FAM178B: variants seen among roughly 807,000 people sequenced by gnomAD.
The protein encoded by FAM178B is protein FAM178B.
FAM178B carries 82 observed loss-of-function variants against 91.7 expected under a neutral mutation model. The observed-to-expected ratio is 0.89, with a 90% CI of 0.75 to 1.07. FAM178B has a LOEUF of 1.07. Among genes scored for constraint, FAM178B ranks in the 50% least tolerant of loss-of-function variants. The pLI is 0.00. For missense variants in FAM178B, 769 were observed against 846.7 expected, an observed-to-expected ratio of 0.91 and a Z score of 1.14; for synonymous variants, 368 against 359.4, an observed-to-expected ratio of 1.02 and a Z score of -0.27.
intron 6 of FAM178B, among the ~76,000 whole-genome samples, chr2:96,957,475 A>G (rs1222767806): frequency 6.6e-6 from 1 of 152,126 alleles, no homozygotes; most frequent in African/African-American, 2.4e-5. Context: ...CCTCATTAGC[A>G]TATCTGAGGG....
intron 14 of FAM178B, among the ~76,000 whole-genome samples, chr2:96,882,203 CCT>C (rs1204159735): frequency 1.3e-5 from 2 of 152,238 alleles, no homozygotes; most frequent in East Asian, 1.9e-4. Context: ...CCACCAGACC[CCT>C]CTCTCTGTGT....
At chr2:96,904,539 C>CTTTTTTTTTTTT (rs1559062927) in intron 12 of FAM178B, among the ~76,000 whole-genome samples, 1 of 133,098 alleles carries the variant, frequency 7.5e-6, no homozygotes. Context: ...CCATGCCTGG[C>CTTTTTTTTTTTT]TATTTTTTTT....
At chr2:96,916,673 G>A (rs749557675) in intron 12 of FAM178B, among the ~76,000 whole-genome samples, 1 of 152,184 alleles carries the variant, frequency 6.6e-6, no homozygotes, top group Non-Finnish European at 1.5e-5. Context: ...CTCTGTTTCA[G>A]GTGGTCTGCC....
chr2:96,972,261 G>A lies in FAM178B; in HGVS notation c.204C>T (p.Asp68=), dbSNP rs2082232433. The A allele has an allele frequency of 2.7e-6, 4 of 1,501,178 alleles. No individual in the cohort carries two copies. In the East Asian group the frequency reaches 9.8e-5, roughly 37 times the overall value. 93.0% of individuals were successfully genotyped at this position (1,501,178 alleles called of 1,614,324 possible). A position where few individuals can be genotyped will look rare whatever the true frequency, so the allele number is the denominator to read the frequency against. The change falls in exon 3 of 17, where the codon GAC becomes GAT. Residue 68 remains aspartate (D), a synonymous_variant. Coordinates refer to ENST00000490605, the MANE Select transcript of FAM178B (RefSeq NM_001122646.3). The part of the protein sequence containing the change: ...LLYNLEDGLS[D]HPLDQGPRCP... Reference sequence around the variant, plus strand: ...AGCGGGGCCCCTGGTCCAGGGGATGGTCTGACAAGCCATCCTCCAGGTTGT... The same window carrying A: ...AGCGGGGCCCCTGGTCCAGGGGATGATCTGACAAGCCATCCTCCAGGTTGT...
rs1574254718 is a variant in FAM178B at position 96,923,502 on chromosome 2, G to A, written c.1275C>T (p.Gly425=). 2 of 1,551,498 alleles carry A rather than the reference G, an allele frequency of 1.3e-6. No individual in the cohort carries two copies. Among genetic ancestry groups the A allele is most frequent in the East Asian group, 4.9e-5 (2 of 40,912 alleles). The part of the protein sequence containing the change: ...PQEIALDISL[G]HIYKFLALCA... ...CGGCTTGACTCACCTTGTAGATGTG[G>A]CCCAGGCTGATGTCCAAGGCAATCT... Residue 425 remains glycine, a synonymous_variant, in exon 10 of 17, where the codon GGC becomes GGT. Coordinates refer to ENST00000490605, the MANE Select transcript of FAM178B (RefSeq NM_001122646.3).
intron 12 of FAM178B, among the ~76,000 whole-genome samples, chr2:96,910,625 G>A (rs753350577): frequency 4.9e-5 from 7 of 144,138 alleles, no homozygotes; most frequent in Non-Finnish European, 8.8e-5. Flanking sequence ...CGTTTGTCCG[G>A]CTACCTTACT....
intron 9 of FAM178B, 101 bp from the exon 10 acceptor site, chr2:96,923,684 C>T: frequency 2.5e-6 from 2 of 808,172 alleles, no homozygotes; most frequent in South Asian, 3.0e-5. Context: ...GGCTGCTCAT[C>T]CGCTGGACAC....
intron 1 of FAM178B, among the ~76,000 whole-genome samples, chr2:96,980,752 C>A (rs987032491): frequency 6.6e-6 from 1 of 151,926 alleles, no homozygotes; most frequent in Non-Finnish European, 1.5e-5. Flanking sequence ...GGTTGAGCAC[C>A]TTTTCATATG....
intron 16 of FAM178B, 138 bp from the exon 17 acceptor site, chr2:96,876,446 G>C: frequency 9.3e-7 from 1 of 1,079,944 alleles, no homozygotes; most frequent in Non-Finnish European, 1.3e-6. Context: ...GGATGCCTGG[G>C]TTCACACTAC....
intron 12 of FAM178B, among the ~76,000 whole-genome samples, chr2:96,910,349 G>A (rs1231107395): frequency 6.6e-6 from 1 of 152,156 alleles, no homozygotes; most frequent in Non-Finnish European, 1.5e-5. Context: ...GGCCTCCTCT[G>A]CACAGTGAGG....
chr2:96,889,488 G>A (rs991377306), intron 14 of FAM178B, among the ~76,000 whole-genome samples: 5 of 151,858 alleles, frequency 3.3e-5, no homozygotes, highest in Non-Finnish European at 7.4e-5. Flanking sequence ...AGACCAGCCC[G>A]GCCAACATGG....
chr2:96,961,523 C>G (rs1796041), intron 5 of FAM178B, among the ~76,000 whole-genome samples: 126,852 of 152,158 alleles, frequency 0.83, 54,207 homozygotes, highest in African/African-American at 0.9. Context: ...TGTTCTGCTT[C>G]ATTTTATAGC....
At position 96,951,369 on chromosome 2, in the gene FAM178B, C is replaced by T. The variant is rs370294783; in HGVS notation, c.993+10G>A. 2.8e-5 allele frequency: 43 copies of T among 1,541,570 alleles called. No homozygotes were observed. Among genetic ancestry groups the T allele is most frequent in the South Asian group, 1.7e-4 (14 of 83,894 alleles). ...CTCCCGCCACCTAGTGGCAGGCCTG[C>T]GGTCCTCACCTGGAACAGCCACTGG... On this transcript the variant is annotated intron_variant, in intron 7 of 16. Transcript: ENST00000490605.
In FAM178B at chr2:96,951,807, G is replaced by A. The variant is rs548043848; in HGVS notation, c.888-323C>T. 16 of 243,508 alleles carry A rather than the reference G, an allele frequency of 6.6e-5. No homozygotes were observed. The East Asian group carries it at 1.4e-3, about 22-fold the overall frequency. 15.1% of individuals were successfully genotyped at this position (243,508 alleles called of 1,614,324 possible). On this transcript the variant is annotated intron_variant, in intron 6 of 16. Coordinates refer to ENST00000490605, the MANE Select transcript of FAM178B (RefSeq NM_001122646.3). Reference sequence around the variant, plus strand: ...GGAGGCAAAGGCGGGTAGATCACGAGGTCAGGAGTTCAAGACCAGCCTGGC... The same window carrying A: ...GGAGGCAAAGGCGGGTAGATCACGAAGTCAGGAGTTCAAGACCAGCCTGGC...
At chr2:96,909,346 A>C (rs1230853094) in intron 12 of FAM178B, among the ~76,000 whole-genome samples, 1 of 152,042 alleles carries the variant, frequency 6.6e-6, no homozygotes, top group Non-Finnish European at 1.5e-5. Context: ...ATTTTGCCAA[A>C]ACCTGCCCTT....
rs374649673 is a variant in FAM178B, at chr2:96,921,337, G to C, written c.1465-75C>G. The C allele has an allele frequency of 4.6e-6, 7 of 1,512,276 alleles. No homozygotes were observed. In the African/African-American group the frequency reaches 5.5e-5, roughly 12 times the overall value. 93.7% of individuals were successfully genotyped at this position (1,512,276 alleles called of 1,614,324 possible). On this transcript the variant is annotated intron_variant, in intron 11 of 16. Transcript: ENST00000490605. ...TTGCTCTCGCCACCCAGCCCGCACA[G>C]GGGAGTAAGTGGGCAGTCACGGAGA...
At chr2:96,880,471 G>A (rs1213811314) in intron 14 of FAM178B, among the ~76,000 whole-genome samples, 1 of 152,218 alleles carries the variant, frequency 6.6e-6, no homozygotes, top group African/African-American at 2.4e-5. Context: ...CTAGGTAGCA[G>A]GAAAATGAGC....
intron 4 of FAM178B, among the ~76,000 whole-genome samples, chr2:96,967,911 C>CTTTTGTTTTTTTTTTTTT (rs2082165831): frequency 6.4e-5 from 4 of 62,418 alleles, no homozygotes; most frequent in Admixed American, 2.2e-4. Flanking sequence ...CCTGTTTGGT[C>CTTTTGTTTTTTTTTTTTT]TTTTTTTTTT....
At chr2:96,906,998 G>A (rs1179338173) in intron 12 of FAM178B, among the ~76,000 whole-genome samples, 1 of 152,202 alleles carries the variant, frequency 6.6e-6, no homozygotes, top group Non-Finnish European at 1.5e-5. Context: ...AGGCAGGCCG[G>A]CAAAGCAGTG....
Sources: allele counts gnomAD v4.1 joint callset (sites outside exome capture counted in the v4.1 genomes callset), GRCh38; gene constraint gnomAD v4.1.1; transcripts MANE v1.5; gene names NCBI Gene and HGNC (gene_info 2026-07-23, HGNC 2026-07-21).